TMEM247: variants seen among roughly 807,000 people sequenced by gnomAD.
The protein encoded by TMEM247 is transmembrane protein 247.
In TMEM247, 23 loss-of-function variants were observed where a neutral mutation model predicts 20.7. The ratio of observed to expected loss-of-function variants is 1.11; its 90% CI spans 0.80 to 1.57. The LOEUF (loss-of-function observed/expected upper bound fraction) is 1.57. Ranked by LOEUF, TMEM247 falls within the 40% of genes most tolerant of loss-of-function variation. The probability of loss-of-function intolerance (pLI) is 0.00; values close to 1 mark genes in which losing one functional copy is unlikely to be tolerated. For synonymous variants in TMEM247, 106 were observed against 111.9 expected, an observed-to-expected ratio of 0.95 and a Z score of 0.33; for missense variants, 354 against 283.8, an observed-to-expected ratio of 1.25 and a Z score of -1.78.
chr2:46,483,306 T>C (rs1248361835), intron 2 of TMEM247, among the ~76,000 whole-genome samples: 1 of 152,150 alleles, frequency 6.6e-6, no homozygotes, highest in Non-Finnish European at 1.5e-5. Flanking sequence ...CAGACAGAAT[T>C]AGCCAGACAA....
At position 46,480,874 on chromosome 2, in the gene TMEM247, AGATCCTG is replaced by A. The variant is rs1248154646; in HGVS notation, c.477+115_477+121del. 5.8e-6 allele frequency: 8 copies of A among 1,371,712 alleles called. No homozygotes were observed. In the Admixed American group the frequency reaches 1.1e-4, roughly 19 times the overall value. 85.0% of individuals were successfully genotyped at this position (1,371,712 alleles called of 1,614,324 possible). ...TGCTTTGCGCGGCACCCCACCCTGCAGATCCTGGATCTCGGCTGAAAGGGGCTGAGCA... is the reference window on the plus strand; with the variant it reads ...TGCTTTGCGCGGCACCCCACCCTGCAGATCTCGGCTGAAAGGGGCTGAGCA... On this transcript the variant is annotated intron_variant, in intron 2 of 2. Coordinates refer to ENST00000434431, the Ensembl canonical transcript of TMEM247.
chr2:46,480,520 C>T (rs1686859360), exon 2 of TMEM247: 1 of 1,551,722 alleles, frequency 6.4e-7, no homozygotes, highest in Non-Finnish European at 8.7e-7. Flanking sequence ...TCCTGCCGTG[C>T]TACCAAAGGC....
intron 2 of TMEM247, among the ~76,000 whole-genome samples, chr2:46,482,696 AG>A (rs201552240): frequency 0.012 from 1,770 of 152,340 alleles, 21 homozygotes; most frequent in Non-Finnish European, 0.014. Context: ...GGCAAAGTCC[AG>A]GGGTCCAGAG....
At chr2:46,480,277 A>C (rs1686853200) in intron 1 of TMEM247, 128 bp from the exon 2 acceptor site, 4 of 1,092,898 alleles carry the variant, frequency 3.7e-6, no homozygotes, top group Non-Finnish European at 5.1e-6. Flanking sequence ...ATAAGAATTC[A>C]GCCTAGATCT....
intron 2 of TMEM247, among the ~76,000 whole-genome samples, chr2:46,483,648 G>A (rs1206965928): frequency 1.3e-5 from 2 of 152,232 alleles, no homozygotes; most frequent in South Asian, 2.1e-4. Flanking sequence ...ACCATAAAGA[G>A]AAAGGAAGGT....
At chr2:46,480,432 T>C in exon 2 of TMEM247, 1 of 1,550,536 alleles carries the variant, frequency 6.4e-7, no homozygotes, top group Non-Finnish European at 8.7e-7. Flanking sequence ...GCCAGACTCC[T>C]CCTATGACTA....
At chr2:46,480,615 C>A (rs547792479) in exon 2 of TMEM247, 4 of 1,458,274 alleles carry the variant, frequency 2.7e-6, no homozygotes, top group Non-Finnish European at 9.1e-7. Context: ...GGAGAAGGTG[C>A]GCATGGAGTT....
intron 2 of TMEM247, among the ~76,000 whole-genome samples, chr2:46,482,624 G>T (rs1254066283): frequency 6.6e-6 from 1 of 152,182 alleles, no homozygotes; most frequent in East Asian, 1.9e-4. Context: ...CTTTTTTAAT[G>T]AAAGTCATAA....
rs1222145755 is a variant in TMEM247, at chr2:46,479,589, G to T, written c.4G>T (p.Ala2Ser). The T allele has an allele frequency of 4.5e-6, 7 of 1,551,412 alleles. No individual in the cohort carries two copies. The highest frequency in any genetic ancestry group is 6.1e-6 in the Non-Finnish European group (7 of 1,146,852). ...TGGCAGCGTTCTGGTTTTCTGGATG[G>T]CAGCAGAGGACAGGGAGATGATGGA... Residue 2 changes from alanine (A) to serine (S), a missense_variant, in exon 1 of 3, where the codon GCA (alanine) becomes TCA (serine). Ala to Ser is a moderately conservative substitution (Grantham distance 99). Coordinates refer to ENST00000434431, the Ensembl canonical transcript of TMEM247.
At chr2:46,483,387 C>A (rs1253697217) in intron 2 of TMEM247, among the ~76,000 whole-genome samples, 1 of 152,214 alleles carries the variant, frequency 6.6e-6, no homozygotes, top group Admixed American at 6.5e-5. Flanking sequence ...CTCTCAGCAC[C>A]TGCCTCCAAG....
intron 2 of TMEM247, among the ~76,000 whole-genome samples, chr2:46,481,980 C>T (rs936827559): frequency 9.9e-5 from 15 of 152,226 alleles, no homozygotes; most frequent in African/African-American, 2.7e-4. Context: ...ATCCAAAAAA[C>T]GGAGACGCAC....
intron 2 of TMEM247, among the ~76,000 whole-genome samples, chr2:46,483,030 G>C (rs1572685647): frequency 6.6e-6 from 1 of 152,246 alleles, no homozygotes; most frequent in Middle Eastern, 3.4e-3. Context: ...ATAGATGGAC[G>C]GACAGAGAGA....
At chr2:46,482,205 G>A (rs546733103) in intron 2 of TMEM247, among the ~76,000 whole-genome samples, 1 of 152,170 alleles carries the variant, frequency 6.6e-6, no homozygotes. Flanking sequence ...ACTGAACTCA[G>A]TCAAGCTTAC....
At chr2:46,480,614 G>A in exon 2 of TMEM247, 1 of 1,480,202 alleles carries the variant, frequency 6.8e-7, no homozygotes. Context: ...TGGAGAAGGT[G>A]CGCATGGAGT....
chr2:46,479,607 A>G, exon 1 of TMEM247: 5 of 1,551,636 alleles, frequency 3.2e-6, no homozygotes, highest in Non-Finnish European at 4.4e-6. Flanking sequence ...GGACAGGGAG[A>G]TGATGGAAGC....
intron 2 of TMEM247, among the ~76,000 whole-genome samples, chr2:46,481,673 G>C (rs1032395723): frequency 6.6e-6 from 1 of 152,190 alleles, no homozygotes; most frequent in Admixed American, 6.5e-5. Context: ...CTCAATAAAC[G>C]TTAGCTACTA....
chr2:46,483,927 T>C (rs2103785515), intron 2 of TMEM247, among the ~76,000 whole-genome samples: 1 of 152,250 alleles, frequency 6.6e-6, no homozygotes, highest in South Asian at 2.1e-4. Flanking sequence ...GATGGGACTA[T>C]AGGCACACGC....
In TMEM247 at chr2:46,480,833, A is replaced by G. The variant is rs564855507; in HGVS notation, c.477+69A>G. On this transcript the variant is annotated intron_variant, in intron 2 of 2. Coordinates refer to ENST00000434431, the Ensembl canonical transcript of TMEM247. ...GCTGAAGTCCCATGGGGCCTGGAGC[A>G]GGCGCCCACCTTCCCTGCTTTGCGC... The G allele has an allele frequency of 3.6e-4, 536 of 1,471,684 alleles. 4 individuals carry two copies. In the East Asian group the frequency reaches 0.011, roughly 30 times the overall value. 91.2% of individuals were successfully genotyped at this position (1,471,684 alleles called of 1,614,324 possible).
rs1367022438 is a variant in TMEM247, at chr2:46,479,715, CTG to C, written c.117+17_117+18del. On this transcript the variant is annotated intron_variant, in intron 1 of 2. Transcript: ENST00000434431. ...AAGGGCTTATCTGGTAAGGGGGCTGCTGTGTCTCACCACCCCCGCCTATTCCG... is the reference window on the plus strand; with the variant it reads ...AAGGGCTTATCTGGTAAGGGGGCTGCTGTCTCACCACCCCCGCCTATTCCG... 1 of 1,516,154 alleles carries C rather than the reference CTG, an allele frequency of 6.6e-7. No individual in the cohort carries two copies. The highest frequency in any genetic ancestry group is 9.0e-7 in the Non-Finnish European group (1 of 1,114,758). The allele number at this position is 1,516,154 out of a possible 1,614,324, so 93.9% of individuals were successfully genotyped here.
Sources: allele counts gnomAD v4.1 joint callset (sites outside exome capture counted in the v4.1 genomes callset), GRCh38; gene constraint gnomAD v4.1.1; transcripts MANE v1.5; gene names NCBI Gene and HGNC (gene_info 2026-07-23, HGNC 2026-07-21).